Variants in ESR1 observed in about 807,000 individuals in gnomAD.
The protein encoded by ESR1 is estrogen receptor 1.
A neutral mutation model predicts 52.7 loss-of-function variants in ESR1; 12 were observed. The ratio of observed to expected loss-of-function variants is 0.23; its 90% CI spans 0.15 to 0.37. The LOEUF (loss-of-function observed/expected upper bound fraction) is 0.37, where lower values mean the gene tolerates loss of function less well. ESR1 is among the 10% of genes least tolerant of loss of function. The probability of loss-of-function intolerance (pLI) is 1.00; values close to 1 mark genes in which losing one functional copy is unlikely to be tolerated. For missense variants in ESR1, 584 were observed against 779.7 expected, an observed-to-expected ratio of 0.75 and a Z score of 2.99; for synonymous variants, 305 against 316.8, an observed-to-expected ratio of 0.96 and a Z score of 0.39.
chr6:152,009,878 A>G (rs904915514), intron 4 of ESR1, among the ~76,000 whole-genome samples: 21 of 152,190 alleles, frequency 1.4e-4, no homozygotes, highest in Middle Eastern at 6.3e-3. Context: ...GGACATATCC[A>G]TGCAATGGAA....
chr6:151,748,467 T>C (rs531370725), intron 2 of ESR1, among the ~76,000 whole-genome samples: 2 of 152,220 alleles, frequency 1.3e-5, no homozygotes, highest in African/African-American at 4.8e-5. Context: ...ACGATGTACC[T>C]TCGTTCGTTT....
At chr6:151,955,846 A>G (rs951967406) in intron 4 of ESR1, among the ~76,000 whole-genome samples, 3 of 152,112 alleles carry the variant, frequency 2.0e-5, no homozygotes, top group Admixed American at 6.5e-5. Context: ...AGTACCCAAC[A>G]GTATTTTTTT....
At position 152,080,017 on chromosome 6, in the gene ESR1, T is replaced by C. The variant is rs533406743; in HGVS notation, c.1370-14368T>C. Among the ~76,000 whole-genome samples, 43 of 152,308 alleles carry C rather than the reference T, an allele frequency of 2.8e-4. No individual in the cohort carries two copies. The South Asian group carries it at 4.8e-3, about 17-fold the overall frequency. ...GTGAAACAAACAAATATATGTTTCATTGGTGTACTGGGAAGTGATGGGGAG... is the reference window on the plus strand; with the variant it reads ...GTGAAACAAACAAATATATGTTTCACTGGTGTACTGGGAAGTGATGGGGAG... On this transcript the variant is annotated intron_variant, in intron 6 of 7. Transcript: ENST00000206249.
chr6:151,827,997 T>A (rs1393296780), intron 1 of ESR1, among the ~76,000 whole-genome samples: 2 of 152,238 alleles, frequency 1.3e-5, no homozygotes, highest in Admixed American at 1.3e-4. Flanking sequence ...TGACGCAGAA[T>A]TATTTACATA....
intron 1 of ESR1, among the ~76,000 whole-genome samples, chr6:151,693,777 C>G (rs1779118609): frequency 6.6e-6 from 1 of 152,154 alleles, no homozygotes; most frequent in African/African-American, 2.4e-5. Flanking sequence ...GCCACCATGG[C>G]CAGCTAATTT....
upstream of ESR1, chr6:151,807,520 G>T: frequency 2.9e-6 from 1 of 339,562 alleles, no homozygotes; most frequent in East Asian, 6.1e-5. Context: ...GTAAAGTTCA[G>T]GGAAGCTGCT....
intron 4 of ESR1, among the ~76,000 whole-genome samples, chr6:151,973,850 G>C (rs1449915388): frequency 6.6e-6 from 1 of 152,150 alleles, no homozygotes; most frequent in Admixed American, 6.6e-5. Flanking sequence ...CAGACTCAGA[G>C]GCCCTTCGTG....
chr6:151,858,121 C>G lies in ESR1; in HGVS notation c.643+15334C>G, dbSNP rs142025831. On this transcript the variant is annotated intron_variant, in intron 2 of 7. Coordinates refer to ENST00000206249, the MANE Select transcript of ESR1 (RefSeq NM_000125.4). ...TTTTGACTGTCTGTTTGCAAGAGGT[C>G]AAATTTGCACTCAAGTTCAGCTTTC... 4.1e-3 allele frequency among the ~76,000 whole-genome samples: 629 copies of G among 152,244 alleles called. 2 individuals are homozygous for G. The highest frequency in any genetic ancestry group is 0.014 in the African/African-American group (586 of 41,562).
At chr6:151,940,012 C>T (rs537323952) in intron 3 of ESR1, among the ~76,000 whole-genome samples, 15 of 152,100 alleles carry the variant, frequency 9.9e-5, no homozygotes, top group Middle Eastern at 3.4e-3. Context: ...TTTCATACTG[C>T]TATAAAGAAA....
chr6:151,762,794 T>G (rs929164568), intron 2 of ESR1, among the ~76,000 whole-genome samples: 4 of 152,058 alleles, frequency 2.6e-5, no homozygotes, highest in African/African-American at 7.2e-5. Context: ...CGAAACTCCG[T>G]CCCTACTAAA....
rs543265071 is a variant in ESR1, at chr6:151,881,595, T to C, written c.760+824T>C. ...GCTTCTAGTCTTGGATAGCCTTCAG[T>C]GTAGTGGAAGAGAACAAGTAGAAAA... On this transcript the variant is annotated intron_variant, in intron 3 of 7. Transcript: ENST00000206249. Among the ~76,000 whole-genome samples the C allele has an allele frequency of 5.3e-5, 8 of 152,218 alleles. No individual in the cohort carries two copies. In the South Asian group the frequency reaches 1.7e-3, roughly 32 times the overall value.
chr6:151,970,356 C>A (rs1195384537), intron 4 of ESR1, among the ~76,000 whole-genome samples: 1 of 152,026 alleles, frequency 6.6e-6, no homozygotes, highest in Admixed American at 6.6e-5. Flanking sequence ...TCTATTGCAA[C>A]TTCCAGGTGA....
At chr6:151,871,701 G>A (rs543049379) in intron 2 of ESR1, among the ~76,000 whole-genome samples, 17 of 152,260 alleles carry the variant, frequency 1.1e-4, no homozygotes, top group African/African-American at 2.4e-4. Flanking sequence ...CACTGTGCCC[G>A]GCCAGCTCTG....
chr6:151,837,886 G>C (rs1338545635), intron 1 of ESR1, among the ~76,000 whole-genome samples: 3 of 152,206 alleles, frequency 2.0e-5, no homozygotes, highest in Non-Finnish European at 4.4e-5. Context: ...TTATAATAAA[G>C]GGATAGGGCT....
At chr6:151,674,321 G>C (rs184182954) in intron 1 of ESR1, among the ~76,000 whole-genome samples, 1 of 152,062 alleles carries the variant, frequency 6.6e-6, no homozygotes, top group Non-Finnish European at 1.5e-5. Flanking sequence ...TGAGAATGAC[G>C]GTTTCCAGCT....
chr6:151,883,883 G>C (rs1483355293), intron 3 of ESR1, among the ~76,000 whole-genome samples: 1 of 152,122 alleles, frequency 6.6e-6, no homozygotes, highest in Non-Finnish European at 1.5e-5. Flanking sequence ...TTCTTACGAA[G>C]ACACCAGTCA....
chr6:151,986,151 C>G (rs1034499588), intron 4 of ESR1, among the ~76,000 whole-genome samples: 1 of 152,002 alleles, frequency 6.6e-6, no homozygotes, highest in Non-Finnish European at 1.5e-5. Context: ...TGTGACTGTC[C>G]TTCTTCATCT....
At chr6:151,832,290 G>A (rs1187877469) in intron 1 of ESR1, among the ~76,000 whole-genome samples, 1 of 152,128 alleles carries the variant, frequency 6.6e-6, no homozygotes, top group Non-Finnish European at 1.5e-5. Flanking sequence ...TTTACCTTGA[G>A]CTTTCCTAAA....
intron 1 of ESR1, among the ~76,000 whole-genome samples, chr6:151,698,272 G>A (rs1010197529): frequency 1.6e-4 from 24 of 151,936 alleles, no homozygotes; most frequent in African/African-American, 4.6e-4. Context: ...AGGCTGAGGT[G>A]AGAGGATGAC....
Sources: gnomAD v4.1 joint callset for allele counts (sites outside exome capture counted in the v4.1 genomes callset) on GRCh38, gnomAD v4.1.1 for gene constraint, MANE v1.5 for transcripts, NCBI Gene and HGNC (gene_info 2026-07-23, HGNC 2026-07-21) for gene names.